Variants in PNPLA7 observed in about 807,000 individuals in gnomAD.
PNPLA7 encodes patatin like domain 7, lysophospholipase, also known as patatin-like phospholipase domain-containing protein 7.
In PNPLA7, 153 loss-of-function variants were observed where a neutral mutation model predicts 161.7. The ratio of observed to expected loss-of-function variants is 0.95; its 90% CI spans 0.83 to 1.08. The LOEUF (loss-of-function observed/expected upper bound fraction) is 1.08, where lower values mean the gene tolerates loss of function less well. Ranked by LOEUF, PNPLA7 falls within the 50% of genes least tolerant of loss-of-function variation. The pLI, the probability that PNPLA7 is intolerant of heterozygous loss-of-function variation, is 0.00. For synonymous variants in PNPLA7, 809 were observed against 782.1 expected, an observed-to-expected ratio of 1.03 and a Z score of -0.57; for missense variants, 1,739 against 1,856.6, an observed-to-expected ratio of 0.94 and a Z score of 1.16.
rs1834929411 is a variant in PNPLA7 at position 137,520,497 on chromosome 9, G to A, written c.958-454C>T. On this transcript the variant is annotated intron_variant, in intron 10 of 34. Transcript: ENST00000406427. The surrounding 1 kb of genome is among the most constrained non-coding windows in gnomAD (Gnocchi z 5.2). ...TCCCTTAATGTCAACAACTGAAGAC[G>A]ACAAGCCCTAAAATGTCATCAGAAT... is the stretch of plus-strand genomic sequence containing the variant. Among the ~76,000 whole-genome samples, 1 of 152,182 alleles carries A rather than the reference G, an allele frequency of 6.6e-6. No individual in the cohort carries two copies. Among genetic ancestry groups the A allele is most frequent in the Admixed American group, 6.5e-5 (1 of 15,276 alleles).
At chr9:137,477,970 A>AC in intron 25 of PNPLA7, 64 bp downstream of exon 25, 1 of 1,229,740 alleles carries the variant, frequency 8.1e-7, no homozygotes, top group Non-Finnish European at 1.0e-6. Flanking sequence ...ACCTCCTAGC[A>AC]CCCGAGGGGG....
intron 8 of PNPLA7, among the ~76,000 whole-genome samples, chr9:137,529,461 T>C (rs1835464240): frequency 6.6e-6 from 1 of 152,194 alleles, no homozygotes; most frequent in African/African-American, 2.4e-5. Context: ...GTTTAGGATA[T>C]AATTTTCCGG....
At chr9:137,474,561 G>A (rs554018249) in intron 25 of PNPLA7, among the ~76,000 whole-genome samples, 8 of 152,208 alleles carry the variant, frequency 5.3e-5, no homozygotes, top group South Asian at 2.1e-4. Context: ...GGAAACGCAC[G>A]CGGACCTCAG....
intron 23 of PNPLA7, 143 bp from the exon 24 acceptor site, chr9:137,479,381 G>C (rs934034470): frequency 1.5e-6 from 2 of 1,346,178 alleles, no homozygotes; most frequent in African/African-American, 1.5e-5. Context: ...GCTGTGGCCT[G>C]GTCTGCCTTG....
intron 25 of PNPLA7, among the ~76,000 whole-genome samples, chr9:137,477,552 C>T (rs1356170491): frequency 2.0e-5 from 3 of 152,082 alleles, no homozygotes. Context: ...TGCATTCAAG[C>T]AATTCTCCTG....
Position 137,520,867 on chromosome 9 carries a change from G to C in PNPLA7, c.957+769C>G, listed in dbSNP as rs1834949324. On this transcript the variant is annotated intron_variant, in intron 10 of 34. Coordinates refer to ENST00000406427, the MANE Select transcript of PNPLA7 (RefSeq NM_001098537.3). This position sits in a 1 kb window ranked among gnomAD's most constrained non-coding sequence, Gnocchi z 5.2. ...GCCCCACCCGGTTCAGATAGGAGGA[G>C]CTGTCAAGGGCAACACACAGGGAGT... is the stretch of plus-strand genomic sequence containing the variant. Among the ~76,000 whole-genome samples the C allele has an allele frequency of 6.6e-6, 1 of 152,242 alleles. No individual in the cohort carries two copies. Among genetic ancestry groups the C allele is most frequent in the South Asian group, 2.1e-4 (1 of 4,836 alleles).
intron 11 of PNPLA7, among the ~76,000 whole-genome samples, chr9:137,518,895 A>C (rs1438825243): frequency 2.3e-5 from 2 of 85,736 alleles, no homozygotes; most frequent in Non-Finnish European, 2.2e-5. Context: ...TCACTCACTC[A>C]CTCCACTCTG....
chr9:137,501,705 C>T lies in PNPLA7; in HGVS notation c.1496G>A (p.Arg499Gln), dbSNP rs147523012. The change falls in exon 15 of 35, where the codon CGG becomes CAG. Residue 499 changes from arginine (R) to glutamine (Q), a missense_variant. Around this residue, in one of 6 missense-constraint regions of PNPLA7, gnomAD observed 481 missense variants for 450.0 expected, o/e 1.07. Transcript: ENST00000406427. ...KLEDSSLLDG[R>Q]VALLHVPAGT... Reference sequence around the variant, plus strand: ...TGCAGGAACGTGCAGAAGCGCCACCCGGCCATCCAACAGAGATGAGTCCTA... The same window carrying T: ...TGCAGGAACGTGCAGAAGCGCCACCTGGCCATCCAACAGAGATGAGTCCTA... The T allele has an allele frequency of 4.2e-4, 680 of 1,612,632 alleles. No individual in the cohort carries two copies. The highest frequency in any genetic ancestry group is 7.5e-4 in the African/African-American group (56 of 75,046).
At chr9:137,508,347 C>T (rs372719510) in intron 12 of PNPLA7, among the ~76,000 whole-genome samples, 1 of 152,168 alleles carries the variant, frequency 6.6e-6, no homozygotes, top group Non-Finnish European at 1.5e-5. Context: ...GCGGGCGGAT[C>T]ACGAGGTCAG....
chr9:137,489,124 G>C (rs1252970620), intron 20 of PNPLA7, among the ~76,000 whole-genome samples: 3 of 151,810 alleles, frequency 2.0e-5, no homozygotes, highest in Non-Finnish European at 4.4e-5. Context: ...AGAGAAAGCA[G>C]AGGAGGCCCC....
intron 24 of PNPLA7, 88 bp from the exon 25 acceptor site, chr9:137,478,240 T>A: frequency 9.5e-7 from 1 of 1,047,570 alleles, no homozygotes; most frequent in Non-Finnish European, 1.2e-6. Context: ...GGGAGTTTCC[T>A]CCACTTCTGA....
chr9:137,503,395 G>T (rs958368905), intron 14 of PNPLA7, among the ~76,000 whole-genome samples: 3 of 149,608 alleles, frequency 2.0e-5, no homozygotes, highest in Non-Finnish European at 4.4e-5. Flanking sequence ...AAAGAAGAAG[G>T]AAGGAGGAGG....
Position 137,524,303 on chromosome 9 carries a change from G to C in PNPLA7, c.748-1446C>G, listed in dbSNP as rs143183402. Among the ~76,000 whole-genome samples, 1 of 151,986 alleles carries C rather than the reference G, an allele frequency of 6.6e-6. No individual in the cohort carries two copies. Among genetic ancestry groups the C allele is most frequent in the Non-Finnish European group, 1.5e-5 (1 of 67,998 alleles). ...TTGACTCCCAAGTGCTGGCTGTCTC[G>C]TGGAGGCCTCGCAGGGTCTCCGTCC... is the stretch of plus-strand genomic sequence containing the variant. On this transcript the variant is annotated intron_variant, in intron 8 of 34. Transcript: ENST00000406427. The surrounding 1 kb of genome is among the most constrained non-coding windows in gnomAD (Gnocchi z 4.4).
intron 14 of PNPLA7, among the ~76,000 whole-genome samples, chr9:137,502,694 GGGGGGACGC>G (rs1588619876): frequency 2.9e-3 from 43 of 14,678 alleles, no homozygotes; most frequent in African/African-American, 3.4e-3. Flanking sequence ...GAGGGGGACG[GGGGGGACGC>G]GGGGGACGCG....
At position 137,480,482 on chromosome 9, in the gene PNPLA7, T is replaced by C; in HGVS notation, c.2412-2A>G. The C allele has an allele frequency of 1.9e-6, 3 of 1,604,244 alleles. No homozygotes were observed. Among genetic ancestry groups the C allele is most frequent in the Non-Finnish European group, 2.6e-6 (3 of 1,173,664 alleles). On this transcript the variant is annotated splice_acceptor_variant, in intron 22 of 34. Coordinates refer to ENST00000406427, the MANE Select transcript of PNPLA7 (RefSeq NM_001098537.3). LOFTEE classifies it high-confidence loss of function. ...CTGGACAGCCGGTACTCGTGAACAC[T>C]GCAGCACGCAGAGGGAGTACCTCAC... is the stretch of plus-strand genomic sequence containing the variant.
At position 137,519,922 on chromosome 9, in the gene PNPLA7, T is replaced by C; in HGVS notation, c.1079A>G (p.Asp360Gly). 1.2e-6 allele frequency: 2 copies of C among 1,612,042 alleles called. No homozygotes were observed. Among genetic ancestry groups the C allele is most frequent in the South Asian group, 1.1e-5 (1 of 91,020 alleles). ...KKPPRLQESC[D>G]SDHGGGRPAA... ...TCCTTGGTGCAGGACAGTACCTGAG[T>C]CACAGGACTCCTGGAGCCGCGGTGG... The change falls in exon 11 of 35, where the codon GAC (aspartate) becomes GGC (glycine). Residue 360 changes from aspartate (D) to glycine (G), a missense_variant. By Grantham distance (94) the Asp-to-Gly change is moderately conservative. This residue lies in a region of PNPLA7 where 481 missense variants were observed against 450.0 expected (regional missense o/e 1.07). Coordinates refer to ENST00000406427, the MANE Select transcript of PNPLA7 (RefSeq NM_001098537.3).
intron 23 of PNPLA7, chr9:137,479,668 AG>A (rs1156485101): frequency 2.0e-6 from 2 of 985,324 alleles, no homozygotes; most frequent in Admixed American, 1.2e-4. Context: ...GGAGCAGAGG[AG>A]GGAGACGGGA....
chr9:137,545,233 T>C (rs1040100414), intron 4 of PNPLA7, among the ~76,000 whole-genome samples: 5 of 152,122 alleles, frequency 3.3e-5, no homozygotes, highest in Admixed American at 1.3e-4. Flanking sequence ...GTGTCTAGGT[T>C]CCGGAACCAC....
At chr9:137,503,693 AAAG>A (rs1178856275) in intron 14 of PNPLA7, among the ~76,000 whole-genome samples, 1 of 142,518 alleles carries the variant, frequency 7.0e-6, no homozygotes, top group Non-Finnish European at 1.5e-5. Context: ...GGGAGGGAAG[AAAG>A]AAGGGGAAGG....
Sources: allele counts gnomAD v4.1 joint callset (sites outside exome capture counted in the v4.1 genomes callset), GRCh38; gene constraint gnomAD v4.1.1; regional missense constraint gnomAD v4.1.1; non-coding constraint Gnocchi (gnomAD v3.1); transcripts MANE v1.5; gene names NCBI Gene and HGNC (gene_info 2026-07-23, HGNC 2026-07-21).